AADAC: variants seen among roughly 807,000 people sequenced by gnomAD.
The protein encoded by AADAC is arylacetamide deacetylase, also known as arylacetamide deacetylase (esterase).
Under a neutral mutation model 22.7 loss-of-function variants are expected in AADAC, and 17 were observed. The observed-to-expected ratio is 0.75, with a 90% CI of 0.51 to 1.12. The LOEUF (loss-of-function observed/expected upper bound fraction) is 1.12, where lower values mean the gene tolerates loss of function less well. Ranked by LOEUF, AADAC falls within the 50% of genes most tolerant of loss-of-function variation. The probability of loss-of-function intolerance (pLI) is 0.00; values close to 1 mark genes in which losing one functional copy is unlikely to be tolerated. For missense variants in AADAC, 465 were observed against 473.9 expected (o/e 0.98, Z 0.17); for synonymous variants, 167 against 176.3 (o/e 0.95, Z 0.42).
chr3:151,822,762 T>G (rs7648471), intron 3 of AADAC, among the ~76,000 whole-genome samples: 3,114 of 152,098 alleles, frequency 0.02, 112 homozygotes, highest in African/African-American at 0.072. Context: ...AAGTGACTAC[T>G]AATGGGTATA....
Position 151,814,187 on chromosome 3 carries a change from CT to C in AADAC, c.26del (p.Leu9ArgfsTer7). On this transcript the variant is annotated frameshift_variant, in exon 1 of 5. Coordinates refer to ENST00000232892, the MANE Select transcript of AADAC (RefSeq NM_001086.3). LOFTEE classifies it high-confidence loss of function. MGRKSLYL[L>X]IVGILIAYYI... ...CATGGGAAGAAAATCGCTGTACCTTCTGATTGTGGGGATCCTCATAGCATAT... is the reference window on the plus strand; with the variant it reads ...CATGGGAAGAAAATCGCTGTACCTTCGATTGTGGGGATCCTCATAGCATAT... The C allele has an allele frequency of 2.5e-6, 4 of 1,613,410 alleles. No homozygotes were observed. Among genetic ancestry groups the C allele is most frequent in the Non-Finnish European group, 3.4e-6 (4 of 1,179,552 alleles).
rs915018015 is a variant in AADAC at position 151,827,988 on chromosome 3, C to G, written c.1016C>G (p.Thr339Ser). Residue 339 changes from threonine (T) to serine (S), a missense_variant, in exon 5 of 5, where the codon ACC becomes AGC. Physicochemically the swap from Thr to Ser is moderately conservative, Grantham distance 58. Coordinates refer to ENST00000232892, the MANE Select transcript of AADAC (RefSeq NM_001086.3). ...GGCTTACCCCTGACCTATGTCATCA[C>G]CTGTCAATATGATCTCTTAAGAGAT... ...LRGLPLTYVITCQYDLLRDDG... is the reference protein window; with the variant it reads ...LRGLPLTYVISCQYDLLRDDG... The G allele has an allele frequency of 6.2e-7, 1 of 1,613,052 alleles. No homozygotes were observed. Among genetic ancestry groups the G allele is most frequent in the Non-Finnish European group, 8.5e-7 (1 of 1,179,382 alleles).
intron 3 of AADAC, 45 bp downstream of exon 3, chr3:151,820,497 C>CCAAGATT (rs778466757): frequency 1.9e-6 from 2 of 1,063,476 alleles, no homozygotes; most frequent in African/African-American, 3.4e-5. Flanking sequence ...GTCTGACATG[C>CCAAGATT]CAAGATTTTC....
intron 3 of AADAC, among the ~76,000 whole-genome samples, chr3:151,822,286 C>T (rs1716283567): frequency 6.6e-6 from 1 of 151,914 alleles, no homozygotes; most frequent in Non-Finnish European, 1.5e-5. Context: ...CCATATTGAC[C>T]CAGTATTTCC....
rs1716591653 is a variant in AADAC, at chr3:151,828,209, T to C, written c.*37T>C. 7.7e-7 allele frequency: 1 copy of C among 1,302,358 alleles called. No individual in the cohort carries two copies. The highest frequency in any genetic ancestry group is 1.0e-6 in the Non-Finnish European group (1 of 980,864). 80.7% of individuals were successfully genotyped at this position (1,302,358 alleles called of 1,614,324 possible). A position where few individuals can be genotyped will look rare whatever the true frequency, so the allele number is the denominator to read the frequency against. On this transcript the variant is annotated 3_prime_UTR_variant, in exon 5 of 5. Transcript: ENST00000232892. ...GCTATAACATATTTTAAAAATAAAA[T>C]CTGAAAACCTCAGAAAATTTGCATT...
At chr3:151,819,362 G>C (rs1017602398) in intron 2 of AADAC, among the ~76,000 whole-genome samples, 10 of 152,002 alleles carry the variant, frequency 6.6e-5, no homozygotes, top group African/African-American at 2.4e-4. Flanking sequence ...TCTCTTGGAT[G>C]TTGAACTTTC....
chr3:151,819,215 C>T (rs909358563), intron 2 of AADAC, among the ~76,000 whole-genome samples: 3 of 151,842 alleles, frequency 2.0e-5, no homozygotes, highest in African/African-American at 7.2e-5. Context: ...AAGGAATAAG[C>T]AGACAGCAAA....
chr3:151,823,012 G>T (rs1409088266), intron 3 of AADAC, among the ~76,000 whole-genome samples: 1 of 152,010 alleles, frequency 6.6e-6, no homozygotes, highest in Non-Finnish European at 1.5e-5. Context: ...GGGTGCAGTG[G>T]CTCATGCCTG....
At chr3:151,815,438 C>T (rs986866352) in intron 1 of AADAC, among the ~76,000 whole-genome samples, 1 of 151,964 alleles carries the variant, frequency 6.6e-6, no homozygotes, top group African/African-American at 2.4e-5. Flanking sequence ...GGTTAGAAGC[C>T]ATATCATACA....
Position 151,828,016 on chromosome 3 carries a change from T to A in AADAC, c.1044T>A (p.Asp348Glu). The change falls in exon 5 of 5, where the codon GAT becomes GAA. Residue 348 changes from aspartate (D) to glutamate (E), a missense_variant. By Grantham distance (45) the Asp-to-Glu change is conservative (BLOSUM62 2). Coordinates refer to ENST00000232892, the MANE Select transcript of AADAC (RefSeq NM_001086.3). Reference protein sequence around the residue: ...ITCQYDLLRDDGLMYVTRLRN... With the variant: ...ITCQYDLLRDEGLMYVTRLRN... The stretch of plus-strand genomic sequence containing the variant: ...GTCAATATGATCTCTTAAGAGATGA[T>A]GGACTCATGTATGTCACCCGACTTC... 1 of 1,613,388 alleles carries A rather than the reference T, an allele frequency of 6.2e-7. No homozygotes were observed. Among genetic ancestry groups the A allele is most frequent in the Non-Finnish European group, 8.5e-7 (1 of 1,179,542 alleles).
chr3:151,820,671 C>T (rs1406755239), intron 3 of AADAC, among the ~76,000 whole-genome samples: 1 of 130,088 alleles, frequency 7.7e-6, no homozygotes, highest in Non-Finnish European at 1.7e-5. Context: ...GCACGAGTCA[C>T]CACACCCGGC....
At chr3:151,824,975 A>C in intron 4 of AADAC, 141 bp downstream of exon 4, 1 of 627,690 alleles carries the variant, frequency 1.6e-6, no homozygotes. Context: ...TAAAGAGAAT[A>C]TTGAGAAGAA....
At chr3:151,823,135 G>A (rs62272915) in intron 3 of AADAC, among the ~76,000 whole-genome samples, 13,358 of 151,688 alleles carry the variant, frequency 0.088, 830 homozygotes, top group Non-Finnish European at 0.12. Flanking sequence ...AAAATTAGCC[G>A]GGTGTGGTGG....
At chr3:151,826,801 T>C (rs1221313101) in intron 4 of AADAC, among the ~76,000 whole-genome samples, 1 of 151,982 alleles carries the variant, frequency 6.6e-6, no homozygotes, top group African/African-American at 2.4e-5. Context: ...CACACAGAAG[T>C]CTTGCCCAAA....
chr3:151,818,348 A>G (rs1361366572), intron 2 of AADAC, among the ~76,000 whole-genome samples: 1 of 152,046 alleles, frequency 6.6e-6, no homozygotes, highest in East Asian at 1.9e-4. Flanking sequence ...AGTGTGTTTT[A>G]AAGTGATAAA....
intron 4 of AADAC, among the ~76,000 whole-genome samples, chr3:151,827,070 A>T (rs982292924): frequency 6.6e-6 from 1 of 151,780 alleles, no homozygotes. Flanking sequence ...GTGCGTTACC[A>T]TACCTGGCTA....
chr3:151,817,274 G>A, intron 1 of AADAC, 92 bp from the exon 2 acceptor site: 1 of 1,096,288 alleles, frequency 9.1e-7, no homozygotes, highest in Non-Finnish European at 1.3e-6. Context: ...TTCCATTTGA[G>A]TTTATTAAGG....
At chr3:151,816,140 G>T (rs1560309153) in intron 1 of AADAC, among the ~76,000 whole-genome samples, 2 of 151,992 alleles carry the variant, frequency 1.3e-5, no homozygotes, top group African/African-American at 4.8e-5. Context: ...TCATTCTACA[G>T]TGAAAGGATG....
intron 1 of AADAC, among the ~76,000 whole-genome samples, chr3:151,815,046 A>G (rs1396192742): frequency 6.6e-6 from 1 of 152,074 alleles, no homozygotes; most frequent in Non-Finnish European, 1.5e-5. Flanking sequence ...CTCAAATCCT[A>G]TTAGGCAAAC....
Sources: allele counts gnomAD v4.1 joint callset (sites outside exome capture counted in the v4.1 genomes callset), GRCh38; gene constraint gnomAD v4.1.1; transcripts MANE v1.5; gene names NCBI Gene and HGNC (gene_info 2026-07-23, HGNC 2026-07-21).